ADCY5: variants seen among roughly 807,000 people sequenced by gnomAD.
ADCY5 encodes adenylate cyclase 5.
In ADCY5, 30 loss-of-function variants were observed where a neutral mutation model predicts 119.7. That is an observed-to-expected ratio of 0.25 (90% CI 0.19 to 0.34). The LOEUF is 0.34. Ranked by LOEUF, ADCY5 falls within the 10% of genes least tolerant of loss-of-function variation. The pLI is 1.00. For synonymous variants in ADCY5, 753 were observed against 762.2 expected (o/e 0.99, Z 0.20); for missense variants, 1,324 against 1,775.2 (o/e 0.75, Z 4.57).
At chr3:123,403,909 ACAGAAGGG>A (rs1427327620) in intron 1 of ADCY5, among the ~76,000 whole-genome samples, 2 of 152,172 alleles carry the variant, frequency 1.3e-5, no homozygotes, top group Non-Finnish European at 2.9e-5. Flanking sequence ...CTCTCTCCAG[ACAGAAGGG>A]AATTCTCTGT....
intron 1 of ADCY5, among the ~76,000 whole-genome samples, chr3:123,382,973 C>T (rs1314269656): frequency 6.6e-6 from 1 of 152,166 alleles, no homozygotes; most frequent in Admixed American, 6.5e-5. Context: ...TTCAATTTAA[C>T]ATGAAATCCA....
At chr3:123,411,811 G>A (rs886999695) in intron 1 of ADCY5, among the ~76,000 whole-genome samples, 11 of 152,180 alleles carry the variant, frequency 7.2e-5, no homozygotes, top group Non-Finnish European at 1.5e-5. Context: ...CAATACAGGT[G>A]AGCAGGCCCA....
chr3:123,297,633 C>A (rs190308658), intron 15 of ADCY5, among the ~76,000 whole-genome samples: 2 of 152,356 alleles, frequency 1.3e-5, no homozygotes, highest in East Asian at 1.9e-4. Context: ...CCTTCCCAGA[C>A]CCCAGCATAT....
intron 3 of ADCY5, among the ~76,000 whole-genome samples, chr3:123,344,034 T>C (rs1576600312): frequency 6.6e-6 from 1 of 151,954 alleles, no homozygotes; most frequent in Admixed American, 6.5e-5. Context: ...CGCCCCGGGG[T>C]GGTGTGTGCT....
At chr3:123,299,236 T>A (rs1254907425) in intron 15 of ADCY5, among the ~76,000 whole-genome samples, 2 of 152,210 alleles carry the variant, frequency 1.3e-5, no homozygotes, top group Non-Finnish European at 2.9e-5. Context: ...CCTTCCCTTC[T>A]ACTTTCTTAT....
intron 1 of ADCY5, among the ~76,000 whole-genome samples, chr3:123,369,111 G>A (rs1943550134): frequency 6.6e-6 from 1 of 152,146 alleles, no homozygotes; most frequent in Non-Finnish European, 1.5e-5. Context: ...AAGTAATAAG[G>A]ATTAAAGTCA....
intron 3 of ADCY5, among the ~76,000 whole-genome samples, chr3:123,342,420 C>A (rs749457759): frequency 1.3e-5 from 2 of 152,120 alleles, no homozygotes; most frequent in Non-Finnish European, 2.9e-5. Context: ...GGATCTCTCC[C>A]CAAGACCCTG....
At chr3:123,316,580 AACATGAAAAACAG>A (rs1381386730) in intron 11 of ADCY5, among the ~76,000 whole-genome samples, 5 of 152,236 alleles carry the variant, frequency 3.3e-5, no homozygotes, top group Non-Finnish European at 5.9e-5. Flanking sequence ...CCATTATTTC[AACATGAAAAACAG>A]AAGGTACTGG....
At chr3:123,413,034 C>A (rs1218294816) in intron 1 of ADCY5, among the ~76,000 whole-genome samples, 1 of 152,166 alleles carries the variant, frequency 6.6e-6, no homozygotes, top group Non-Finnish European at 1.5e-5. Flanking sequence ...CTGGAGACGA[C>A]CTCACCGTCC....
chr3:123,284,555 C>T lies in ADCY5; in HGVS notation c.*53G>A. The T allele has an allele frequency of 2.5e-6, 4 of 1,607,846 alleles. No homozygotes were observed. The highest frequency in any genetic ancestry group is 3.4e-6 in the Non-Finnish European group (4 of 1,175,400). On this transcript the variant is annotated 3_prime_UTR_variant, in exon 21 of 21. Coordinates refer to ENST00000462833, the MANE Select transcript of ADCY5 (RefSeq NM_183357.3). ...CCGCCACCCCCGGCACACAGAGAAGCTGCTTCCATGCCTCTGGAGGCCAGG... is the reference window on the plus strand; with the variant it reads ...CCGCCACCCCCGGCACACAGAGAAGTTGCTTCCATGCCTCTGGAGGCCAGG...
chr3:123,328,007 C>T (rs1941576965), intron 6 of ADCY5, among the ~76,000 whole-genome samples: 1 of 152,190 alleles, frequency 6.6e-6, no homozygotes, highest in South Asian at 2.1e-4. Context: ...ATTAGCTTGC[C>T]CAAGACAACA....
At chr3:123,373,561 G>T (rs2107537574) in intron 1 of ADCY5, among the ~76,000 whole-genome samples, 1 of 152,340 alleles carries the variant, frequency 6.6e-6, no homozygotes, top group South Asian at 2.1e-4. Flanking sequence ...AGGACGCTGG[G>T]GAGTTAGGAC....
chr3:123,338,356 C>A (rs77495379), intron 3 of ADCY5, among the ~76,000 whole-genome samples: 9,793 of 152,268 alleles, frequency 0.064, 794 homozygotes, highest in East Asian at 0.2. Context: ...CATTCCCCCA[C>A]CTCCTGTCAG....
In ADCY5 at chr3:123,352,599, A is replaced by G. The variant is rs552110399; in HGVS notation, c.1135-18T>C. 1.9e-6 allele frequency: 3 copies of G among 1,602,320 alleles called. No homozygotes were observed. The highest frequency in any genetic ancestry group is 2.6e-6 in the Non-Finnish European group (3 of 1,172,104). The stretch of plus-strand genomic sequence containing the variant: ...GAGACAAGCTGCAGAGGGAGAGAGG[A>G]GCACACCTAGCTCAGATCCTGACCT... On this transcript the variant is annotated intron_variant, in intron 1 of 20. Transcript: ENST00000462833. This position sits in a 1 kb window ranked among gnomAD's most constrained non-coding sequence, Gnocchi z 4.8.
chr3:123,357,128 G>C (rs913611926), intron 1 of ADCY5, among the ~76,000 whole-genome samples: 20 of 151,980 alleles, frequency 1.3e-4, no homozygotes, highest in Admixed American at 1.3e-3. Context: ...GGGGTGATGG[G>C]ACTGTCCTGT....
chr3:123,389,212 G>A (rs1944327710), intron 1 of ADCY5, among the ~76,000 whole-genome samples: 1 of 152,134 alleles, frequency 6.6e-6, no homozygotes, highest in African/African-American at 2.4e-5. Flanking sequence ...AAACATGAGG[G>A]CTTGGTGGAG....
At chr3:123,374,966 T>C (rs576621688) in intron 1 of ADCY5, among the ~76,000 whole-genome samples, 40 of 152,336 alleles carry the variant, frequency 2.6e-4, no homozygotes, top group African/African-American at 8.9e-4. Context: ...TGGGCACTCA[T>C]ATCTCTCCTT....
At chr3:123,325,687 G>A (rs1431816841) in intron 7 of ADCY5, among the ~76,000 whole-genome samples, 1 of 152,250 alleles carries the variant, frequency 6.6e-6, no homozygotes, top group Non-Finnish European at 1.5e-5. Flanking sequence ...TCAGGTGGGA[G>A]TGGCAAAAGA....
At chr3:123,363,277 GC>G (rs1943322842) in intron 1 of ADCY5, among the ~76,000 whole-genome samples, 1 of 144,838 alleles carries the variant, frequency 6.9e-6, no homozygotes, top group Non-Finnish European at 1.6e-5. Flanking sequence ...TTACTAGTAA[GC>G]AAAGAAATAA....
Sources: gnomAD v4.1 joint callset for allele counts (sites outside exome capture counted in the v4.1 genomes callset) on GRCh38, gnomAD v4.1.1 for gene constraint, Gnocchi (gnomAD v3.1) non-coding constraint, MANE v1.5 for transcripts, NCBI Gene and HGNC (gene_info 2026-07-23, HGNC 2026-07-21) for gene names.